Variants in RPA1 observed in about 807,000 individuals in gnomAD.
The protein encoded by RPA1 is replication protein A 70 kDa DNA-binding subunit.
A neutral mutation model predicts 83.0 loss-of-function variants in RPA1; 49 were observed. That is an observed-to-expected ratio of 0.59 (90% CI 0.47 to 0.75). RPA1 has a LOEUF of 0.75. RPA1 is among the 30% of genes least tolerant of loss of function. RPA1 has a pLI of 0.00. For synonymous variants in RPA1, 279 were observed against 281.8 expected (o/e 0.99, Z 0.10); for missense variants, 693 against 776.1 (o/e 0.89, Z 1.27).
intron 5 of RPA1, among the ~76,000 whole-genome samples, chr17:1,869,858 C>T (rs547678928): frequency 3.3e-5 from 5 of 152,142 alleles, no homozygotes; most frequent in Non-Finnish European, 5.9e-5. Context: ...CATTTGGCTC[C>T]GGGCTGTCTC....
rs540448643 is a variant in RPA1 at position 1,891,664 on chromosome 17, C to G, written c.1552-169C>G. The G allele has an allele frequency of 1.0e-4, 46 of 439,712 alleles. No individual in the cohort carries two copies. In the South Asian group the frequency reaches 2.0e-3, roughly 19 times the overall value. The allele number at this position is 439,712 out of a possible 1,614,324, so 27.2% of individuals were successfully genotyped here. ...CAAACTCCTGGCCTCAAGTGTTCCA[C>G]CCGCCTTGGCCTCCCAAAGTGCTGG... On this transcript the variant is annotated intron_variant, in intron 14 of 16. Coordinates refer to ENST00000254719, the MANE Select transcript of RPA1 (RefSeq NM_002945.5).
intron 1 of RPA1, among the ~76,000 whole-genome samples, chr17:1,839,671 C>T (rs1911966629): frequency 6.7e-6 from 1 of 149,864 alleles, no homozygotes; most frequent in African/African-American, 2.5e-5. Flanking sequence ...CTCACTTAGT[C>T]ATCCAAGCTG....
At chr17:1,890,645 A>G (rs575260082) in intron 14 of RPA1, among the ~76,000 whole-genome samples, 2 of 152,368 alleles carry the variant, frequency 1.3e-5, no homozygotes, top group African/African-American at 4.8e-5. Context: ...CCTGGGTGAC[A>G]GAGCAAGACT....
chr17:1,865,657 G>A (rs900643481), intron 5 of RPA1, among the ~76,000 whole-genome samples: 3 of 152,212 alleles, frequency 2.0e-5, no homozygotes, highest in African/African-American at 2.4e-5. Context: ...TAAAGTTTTC[G>A]TGGTTTCTTT....
At position 1,888,891 on chromosome 17, in the gene RPA1, C is replaced by T. The variant is rs372905580; in HGVS notation, c.1551+40C>T. ...TAGATGAGAACCACGGTTGTGTTCA[C>T]GGAGGCCCTCCCGTGTGCCAGGCAC... On this transcript the variant is annotated intron_variant, in intron 14 of 16. Transcript: ENST00000254719. 1,976 of 1,585,992 alleles carry T rather than the reference C, an allele frequency of 1.2e-3. 2 individuals carry two copies. The highest frequency in any genetic ancestry group is 1.6e-3 in the Non-Finnish European group (1,909 of 1,160,778).
rs754402348 is a variant in RPA1, at chr17:1,853,058, G to A, written c.273-43G>A. ...TTTTGAGTAGCTTATCATTTGAACAGAATTTGTTTTTCTAACCTGTTTCTG... is the reference window on the plus strand; with the variant it reads ...TTTTGAGTAGCTTATCATTTGAACAAAATTTGTTTTTCTAACCTGTTTCTG... On this transcript the variant is annotated intron_variant, in intron 4 of 16. Coordinates refer to ENST00000254719, the MANE Select transcript of RPA1 (RefSeq NM_002945.5). The A allele has an allele frequency of 2.1e-5, 32 of 1,497,236 alleles. No individual in the cohort carries two copies. In the Admixed American group the frequency reaches 5.4e-4, roughly 25 times the overall value. 92.7% of individuals were successfully genotyped at this position (1,497,236 alleles called of 1,614,324 possible).
chr17:1,868,543 G>A (rs1012937387), intron 5 of RPA1, among the ~76,000 whole-genome samples: 1 of 152,120 alleles, frequency 6.6e-6, no homozygotes, highest in Non-Finnish European at 1.5e-5. Flanking sequence ...AGCCGAGGCG[G>A]GTGGATCATT....
intron 4 of RPA1, among the ~76,000 whole-genome samples, chr17:1,851,332 G>T (rs1271626977): frequency 6.6e-6 from 1 of 151,930 alleles, no homozygotes; most frequent in Non-Finnish European, 1.5e-5. Flanking sequence ...TAAGTTTCCT[G>T]TGACGGTAGA....
Position 1,879,463 on chromosome 17 carries a change from C to A in RPA1, c.952+56C>A, listed in dbSNP as rs773026658. 47 of 1,610,078 alleles carry A rather than the reference C, an allele frequency of 2.9e-5. No individual in the cohort carries two copies. The African/African-American group carries it at 5.1e-4, about 17-fold the overall frequency. ...GATGACTAGCTTTCTTTGCAGTGTA[C>A]GGGGTGGTGTCAGGCTTCAGTGCTT... is the stretch of plus-strand genomic sequence containing the variant. On this transcript the variant is annotated intron_variant, in intron 10 of 16. Coordinates refer to ENST00000254719, the MANE Select transcript of RPA1 (RefSeq NM_002945.5).
At position 1,879,415 on chromosome 17, in the gene RPA1, C is replaced by T. The variant is rs373859256; in HGVS notation, c.952+8C>T. On this transcript the variant is annotated splice_region_variant and intron_variant, in intron 10 of 16. Coordinates refer to ENST00000254719, the MANE Select transcript of RPA1 (RefSeq NM_002945.5). ...CGAAAGACTCACTTGTAGGTAAGCT[C>T]GTGTATGAGAAGGAAGAGCAGGGAT... The T allele has an allele frequency of 6.8e-6, 11 of 1,613,392 alleles. No homozygotes were observed. The highest frequency in any genetic ancestry group is 3.3e-5 in the Admixed American group (2 of 59,998).
chr17:1,855,350 TGTGTGTGTGTGTG>T (rs1567809420), intron 5 of RPA1, among the ~76,000 whole-genome samples: 3 of 148,696 alleles, frequency 2.0e-5, no homozygotes, highest in Non-Finnish European at 3.0e-5. Context: ...TGTGTGTGTG[TGTGTGTGTGTGTG>T]TGTTTAGTAG....
At chr17:1,863,782 G>A (rs1913076526) in intron 5 of RPA1, among the ~76,000 whole-genome samples, 1 of 152,176 alleles carries the variant, frequency 6.6e-6, no homozygotes, top group African/African-American at 2.4e-5. Flanking sequence ...TATGTTTTCA[G>A]ATATTTTTAG....
In RPA1 at chr17:1,873,032, C is replaced by T. The variant is rs916526243; in HGVS notation, c.454+506C>T. Among the ~76,000 whole-genome samples the T allele has an allele frequency of 2.6e-5, 4 of 152,272 alleles. No homozygotes were observed. In the South Asian group the frequency reaches 8.3e-4, roughly 32 times the overall value. ...ACTTTTAAAAAAGATCAAATTGATA[C>T]ATTCTTCTCTGTTAGTAGTTGACCA... is the stretch of plus-strand genomic sequence containing the variant. On this transcript the variant is annotated intron_variant, in intron 6 of 16. Coordinates refer to ENST00000254719, the MANE Select transcript of RPA1 (RefSeq NM_002945.5).
intron 5 of RPA1, among the ~76,000 whole-genome samples, chr17:1,861,877 A>G (rs527896162): frequency 9.2e-4 from 139 of 151,894 alleles, no homozygotes; most frequent in African/African-American, 3.2e-3. Flanking sequence ...GGCGTGCACC[A>G]CTGCACCCTG....
chr17:1,842,719 A>G (rs1912099919), intron 1 of RPA1, 84 bp from the exon 2 acceptor site: 16 of 1,223,804 alleles, frequency 1.3e-5, no homozygotes, highest in Non-Finnish European at 1.9e-5. Flanking sequence ...TTATCTATAT[A>G]TTCCAAATAC....
intron 1 of RPA1, among the ~76,000 whole-genome samples, chr17:1,840,598 A>G (rs1254808334): frequency 6.6e-6 from 1 of 151,740 alleles, no homozygotes; most frequent in East Asian, 1.9e-4. Context: ...TTTTATAGAG[A>G]CAGGTCTCCT....
At chr17:1,893,741 A>G (rs993834042) in intron 15 of RPA1, among the ~76,000 whole-genome samples, 8 of 151,928 alleles carry the variant, frequency 5.3e-5, no homozygotes, top group Non-Finnish European at 7.4e-5. Flanking sequence ...GATTGTTTTT[A>G]GGCCTTCCCT....
At chr17:1,893,860 CT>C (rs950190476) in intron 15 of RPA1, among the ~76,000 whole-genome samples, 1 of 151,622 alleles carries the variant, frequency 6.6e-6, no homozygotes, top group Non-Finnish European at 1.5e-5. Flanking sequence ...AGTGTTTTTC[CT>C]TTTTTTCTTT....
Position 1,843,902 on chromosome 17 carries a change from T to A in RPA1, c.85-18T>A. 6.2e-7 allele frequency: 1 copy of A among 1,611,144 alleles called. No homozygotes were observed. The highest frequency in any genetic ancestry group is 1.3e-5 in the African/African-American group (1 of 74,930). Reference sequence around the variant, plus strand: ...CGGGGCAGACAACCTGGCTAATGAATCAAGTTTTCTGTCCTAGAACATCCG... The same window carrying A: ...CGGGGCAGACAACCTGGCTAATGAAACAAGTTTTCTGTCCTAGAACATCCG... On this transcript the variant is annotated intron_variant, in intron 2 of 16. Coordinates refer to ENST00000254719, the MANE Select transcript of RPA1 (RefSeq NM_002945.5).
Sources: gnomAD v4.1 joint callset for allele counts (sites outside exome capture counted in the v4.1 genomes callset) on GRCh38, gnomAD v4.1.1 for gene constraint, MANE v1.5 for transcripts, NCBI Gene and HGNC (gene_info 2026-07-23, HGNC 2026-07-21) for gene names.